Variants in RHBDF1 observed in about 807,000 individuals in gnomAD.
The protein encoded by RHBDF1 is inactive rhomboid protein 1.
A neutral mutation model predicts 98.6 loss-of-function variants in RHBDF1; 80 were observed. The ratio of observed to expected loss-of-function variants is 0.81; its 90% CI spans 0.68 to 0.98. The LOEUF (loss-of-function observed/expected upper bound fraction) is 0.98, where lower values mean the gene tolerates loss of function less well. Among genes scored for constraint, RHBDF1 ranks in the 50% least tolerant of loss-of-function variants. The pLI, the probability that RHBDF1 is intolerant of heterozygous loss-of-function variation, is 0.00. For synonymous variants in RHBDF1, 512 were observed against 486.8 expected (o/e 1.05, Z -0.68); for missense variants, 1,116 against 1,198.3 (o/e 0.93, Z 1.01).
chr16:65,068 T>C, intron 1 of RHBDF1, 29 bp from the exon 2 acceptor site: 1 of 1,483,578 alleles, frequency 6.7e-7, no homozygotes, highest in African/African-American at 1.4e-5. Flanking sequence ...TATTCAATAA[T>C]GACAAAGCTG....
Position 62,992 on chromosome 16 carries a change from G to T in RHBDF1, c.653C>A (p.Ala218Glu), listed in dbSNP as rs746845357. The T allele has an allele frequency of 1.9e-6, 3 of 1,611,936 alleles. No individual in the cohort carries two copies. The highest frequency in any genetic ancestry group is 3.3e-5 in the Admixed American group (2 of 59,948). ...ACCCACTTTCATCAGCGCTGCGGCC[G>T]CCCGGAAGCTCATCTTGGCCACCGA... ...RESVAKMSFR[A>E]AAALMKGRSV... Residue 218 changes from alanine to glutamate, a missense_variant, in exon 5 of 18, where the codon GCG (alanine) becomes GAG (glutamate). Ala to Glu is a moderately radical substitution (Grantham distance 107). Coordinates refer to ENST00000262316, the MANE Select transcript of RHBDF1 (RefSeq NM_022450.5).
At chr16:72,408 T>A in intron 1 of RHBDF1, 105 bp downstream of exon 1, 1 of 530,902 alleles carries the variant, frequency 1.9e-6, no homozygotes, top group Non-Finnish European at 2.4e-6. Flanking sequence ...CCGGCCGCTC[T>A]GAGCAGCTCC....
rs891725647 is a variant in RHBDF1 at position 72,542 on chromosome 16, G to A, written c.-54C>T. 63 of 860,296 alleles carry A rather than the reference G, an allele frequency of 7.3e-5. No homozygotes were observed. In the African/African-American group the frequency reaches 2.8e-3, roughly 38 times the overall value. The allele number at this position is 860,296 out of a possible 1,614,324, so 53.3% of individuals were successfully genotyped here. Reference sequence around the variant, plus strand: ...GCCGCCGGGGGCTCTGGGGGGTCCTGAGGGCGCCGGGGAGGAGGCTGCCGC... The same window carrying A: ...GCCGCCGGGGGCTCTGGGGGGTCCTAAGGGCGCCGGGGAGGAGGCTGCCGC... On this transcript the variant is annotated 5_prime_UTR_variant, in exon 1 of 18. Coordinates refer to ENST00000262316, the MANE Select transcript of RHBDF1 (RefSeq NM_022450.5).
intron 12 of RHBDF1, 54 bp from the exon 13 acceptor site, chr16:60,333 C>A: frequency 6.2e-7 from 1 of 1,610,200 alleles, no homozygotes; most frequent in Non-Finnish European, 8.5e-7. Flanking sequence ...GCATTGGCAC[C>A]CTTCCAGCCA....
intron 1 of RHBDF1, among the ~76,000 whole-genome samples, chr16:68,522 G>A (rs1322979953): frequency 6.6e-6 from 1 of 152,218 alleles, no homozygotes; most frequent in Non-Finnish European, 1.5e-5. Flanking sequence ...TCAGTGTATG[G>A]GGAAACCGTG....
At chr16:65,461 C>T (rs901573913) in intron 1 of RHBDF1, among the ~76,000 whole-genome samples, 1 of 152,206 alleles carries the variant, frequency 6.6e-6, no homozygotes, top group Non-Finnish European at 1.5e-5. Context: ...GGTTGCTTGA[C>T]AGGAGGCAGT....
chr16:76,234 C>T (rs1180004362), upstream of RHBDF1: 1 of 152,462 alleles, frequency 6.6e-6, no homozygotes, highest in Non-Finnish European at 1.5e-5. Flanking sequence ...AGAGGAAGCC[C>T]CAGGCCCCCT....
chr16:60,069 C>T (rs1897549968), intron 13 of RHBDF1, 147 bp downstream of exon 13: 10 of 1,505,976 alleles, frequency 6.6e-6, no homozygotes, highest in Non-Finnish European at 8.0e-6. Context: ...GGTTGATGGA[C>T]AGGCTGTACA....
intron 16 of RHBDF1, 46 bp from the exon 17 acceptor site, chr16:59,173 G>T (rs767192138): frequency 6.2e-7 from 1 of 1,600,916 alleles, no homozygotes; most frequent in Non-Finnish European, 8.5e-7. Context: ...CAGCAGGGAA[G>T]TGACCTTTCT....
intron 1 of RHBDF1, 69 bp from the exon 2 acceptor site, chr16:65,108 G>T: frequency 6.9e-7 from 1 of 1,453,966 alleles, no homozygotes; most frequent in Non-Finnish European, 9.1e-7. Context: ...ACCCAGACCC[G>T]GGAGGAGGGA....
At chr16:63,545 C>T (rs769060822) in intron 4 of RHBDF1, 42 bp downstream of exon 4, 14 of 1,474,924 alleles carry the variant, frequency 9.5e-6, no homozygotes, top group South Asian at 3.8e-5. Context: ...CCCCTGAGAG[C>T]GGAAGGAGGG....
chr16:66,306 C>T (rs1190709716), intron 1 of RHBDF1, among the ~76,000 whole-genome samples: 1 of 152,168 alleles, frequency 6.6e-6, no homozygotes, highest in Admixed American at 6.5e-5. Context: ...GGTCTCCCTC[C>T]CAACTGCTTG....
intron 3 of RHBDF1, chr16:64,341 G>A (rs1476165328): frequency 7.4e-7 from 1 of 1,359,076 alleles, no homozygotes; most frequent in Admixed American, 2.2e-5. Context: ...ACCTGAGCAG[G>A]GACCAAGAGA....
In RHBDF1 at chr16:60,471, T is replaced by C; in HGVS notation, c.1626A>G (p.Arg542=). 1 of 1,612,136 alleles carries C rather than the reference T, an allele frequency of 6.2e-7. No homozygotes were observed. The highest frequency in any genetic ancestry group is 8.5e-7 in the Non-Finnish European group (1 of 1,179,970). ...PSAPELAGHK[R]QFGSVCHQDP... is the part of the protein sequence containing the mutation. ...CCTGGTGGCAGACAGAGCCAAACTGTCTCTTGTGGCCCGCAAGCTCTGGGG... is the reference window on the plus strand; with the variant it reads ...CCTGGTGGCAGACAGAGCCAAACTGCCTCTTGTGGCCCGCAAGCTCTGGGG... The change falls in exon 12 of 18, where the codon AGA becomes AGG. Residue 542 remains arginine (R), a synonymous_variant. Transcript: ENST00000262316.
chr16:75,003 G>T (rs1234698531), upstream of RHBDF1: 1 of 152,484 alleles, frequency 6.6e-6, no homozygotes, highest in Non-Finnish European at 1.5e-5. Flanking sequence ...CTGCTTGGTG[G>T]TCTCTTCACA....
intron 1 of RHBDF1, among the ~76,000 whole-genome samples, chr16:71,789 A>G (rs978638525): frequency 6.6e-6 from 1 of 152,120 alleles, no homozygotes; most frequent in Non-Finnish European, 1.5e-5. Context: ...CCAGCATGAC[A>G]GACAACCAGG....
chr16:64,198 C>T, intron 3 of RHBDF1: 1 of 1,254,802 alleles, frequency 8.0e-7, no homozygotes, highest in Non-Finnish European at 1.1e-6. Context: ...AGCACTTGGA[C>T]ATGCAAACAA....
At position 64,785 on chromosome 16, in the gene RHBDF1, G is replaced by A. The variant is rs368656107; in HGVS notation, c.162C>T (p.Ala54=). Residue 54 remains alanine (A), a synonymous_variant, in exon 3 of 18, where the codon GCC becomes GCT. Transcript: ENST00000262316. ...GGGGTGAAGAGATGTGGGCTGTCTCGGCTGGCATACTCACACTCCTCAGGA... is the reference window on the plus strand; with the variant it reads ...GGGGTGAAGAGATGTGGGCTGTCTCAGCTGGCATACTCACACTCCTCAGGA... ...QAFLRSVSMP[A]ETAHISSPHH... is the part of the protein sequence containing the mutation. 30 of 1,613,948 alleles carry A rather than the reference G, an allele frequency of 1.9e-5. No homozygotes were observed. Among genetic ancestry groups the A allele is most frequent in the African/African-American group, 1.1e-4 (8 of 74,908 alleles).
rs773590799 is a variant in RHBDF1, at chr16:61,899, C to T, written c.1107G>A (p.Arg369=). The part of the protein sequence containing the change: ...PVRKLFAREK[R]PYGLGMVGRL... ...GTCCCACCATGCCCAGCCCATACGG[C>T]CGCTTCTCCCGGGCGAAGAGCTTGC... Residue 369 remains arginine (R), a synonymous_variant, in exon 8 of 18, where the codon CGG becomes CGA. Transcript: ENST00000262316. 43 of 1,605,918 alleles carry T rather than the reference C, an allele frequency of 2.7e-5. 2 individuals are homozygous for T. In the South Asian group the frequency reaches 4.4e-4, roughly 16 times the overall value.
Sources: allele counts gnomAD v4.1 joint callset (sites outside exome capture counted in the v4.1 genomes callset), GRCh38; gene constraint gnomAD v4.1.1; transcripts MANE v1.5; gene names NCBI Gene and HGNC (gene_info 2026-07-23, HGNC 2026-07-21).